Variants in PSMA8 observed in about 807,000 individuals in gnomAD.
PSMA8 encodes the protein proteasome subunit alpha-type 8.
Under a neutral mutation model 32.4 loss-of-function variants are expected in PSMA8, and 18 were observed. The ratio of observed to expected loss-of-function variants is 0.56; its 90% CI spans 0.38 to 0.82. The LOEUF is 0.82. PSMA8 is among the 40% of genes least tolerant of loss of function. The pLI is 0.00. For missense variants in PSMA8, 298 were observed against 300.7 expected, an observed-to-expected ratio of 0.99 and a Z score of 0.07; for synonymous variants, 104 against 98.1, an observed-to-expected ratio of 1.06 and a Z score of -0.36.
intron 4 of PSMA8, among the ~76,000 whole-genome samples, chr18:26,167,209 A>G (rs1037303283): frequency 1.3e-5 from 2 of 152,224 alleles, no homozygotes; most frequent in African/African-American, 4.8e-5. Flanking sequence ...TGAGTGGAAT[A>G]GCCACACTTT....
At chr18:26,173,843 A>T (rs1187205943) in intron 4 of PSMA8, among the ~76,000 whole-genome samples, 1 of 152,106 alleles carries the variant, frequency 6.6e-6, no homozygotes, top group Non-Finnish European at 1.5e-5. Context: ...AGTGTGAGCC[A>T]TCACGCCCGG....
At chr18:26,152,310 TTTTTTGTTTTTG>T (rs925466532) in intron 3 of PSMA8, among the ~76,000 whole-genome samples, 7 of 152,102 alleles carry the variant, frequency 4.6e-5, no homozygotes, top group African/African-American at 1.4e-4. Context: ...TTTTGTTTTG[TTTTTTGTTTTTG>T]TTTTTGTTTT....
At chr18:26,159,032 A>T (rs997086683) in intron 4 of PSMA8, among the ~76,000 whole-genome samples, 2 of 152,182 alleles carry the variant, frequency 1.3e-5, no homozygotes, top group African/African-American at 4.8e-5. Flanking sequence ...TACATGCCAG[A>T]GAAACCTAGC....
At chr18:26,191,240 A>G (rs1052058592) in intron 6 of PSMA8, among the ~76,000 whole-genome samples, 1 of 152,222 alleles carries the variant, frequency 6.6e-6, no homozygotes, top group African/African-American at 2.4e-5. Flanking sequence ...AAAGTTGATC[A>G]TTCATTTATC....
intron 4 of PSMA8, among the ~76,000 whole-genome samples, chr18:26,173,161 A>T (rs1017543322): frequency 6.6e-6 from 1 of 152,122 alleles, no homozygotes; most frequent in African/African-American, 2.4e-5. Flanking sequence ...CAGTGGTCTA[A>T]CCTTATCTGG....
chr18:26,145,668 A>C (rs957420971), intron 2 of PSMA8, among the ~76,000 whole-genome samples: 20 of 152,226 alleles, frequency 1.3e-4, no homozygotes, highest in African/African-American at 4.6e-4. Context: ...ATTCCCTTGC[A>C]GTTCATGCAA....
intron 6 of PSMA8, among the ~76,000 whole-genome samples, chr18:26,187,189 A>G (rs1013346937): frequency 9.9e-5 from 15 of 152,172 alleles, no homozygotes; most frequent in African/African-American, 3.4e-4. Flanking sequence ...TACTAAAAAT[A>G]CAAAAAATTA....
At chr18:26,152,641 C>T (rs2055056063) in intron 3 of PSMA8, among the ~76,000 whole-genome samples, 1 of 152,002 alleles carries the variant, frequency 6.6e-6, no homozygotes, top group African/African-American at 2.4e-5. Context: ...ATTCTTTTAC[C>T]TGCAACATTG....
intron 4 of PSMA8, among the ~76,000 whole-genome samples, chr18:26,172,400 A>C (rs1324478991): frequency 1.3e-5 from 2 of 152,260 alleles, no homozygotes; most frequent in Non-Finnish European, 2.9e-5. Context: ...ATAGATTTAC[A>C]TAAATAAATG....
chr18:26,185,541 T>C (rs150705217), intron 6 of PSMA8, among the ~76,000 whole-genome samples: 1 of 150,742 alleles, frequency 6.6e-6, no homozygotes, highest in Non-Finnish European at 1.5e-5. Flanking sequence ...GGAATGTAAG[T>C]CCTTCCCTTC....
Position 26,162,386 on chromosome 18 carries a change from G to C in PSMA8, c.477+4142G>C, listed in dbSNP as rs547044077. ...CTATGAGTTCATTTTTTTTTTTTAG[G>C]TTCCACATATAAGTGAGATCATAAA... On this transcript the variant is annotated intron_variant, in intron 4 of 6. Transcript: ENST00000415576. Among the ~76,000 whole-genome samples the C allele has an allele frequency of 1.3e-5, 2 of 149,376 alleles. 1 individual carries two copies. Among genetic ancestry groups the C allele is most frequent in the South Asian group, 4.3e-4 (2 of 4,686 alleles).
chr18:26,150,909 T>C (rs1044463276), intron 2 of PSMA8, among the ~76,000 whole-genome samples: 5 of 152,236 alleles, frequency 3.3e-5, no homozygotes, highest in African/African-American at 1.2e-4. Context: ...TGATCATATT[T>C]CAAATTGAGT....
chr18:26,164,450 C>T (rs1458712311), intron 4 of PSMA8, among the ~76,000 whole-genome samples: 1 of 152,236 alleles, frequency 6.6e-6, no homozygotes, highest in Admixed American at 6.5e-5. Context: ...TCAAACTTAG[C>T]ATCTCCTATA....
chr18:26,138,180 G>T (rs2054927743), intron 1 of PSMA8, among the ~76,000 whole-genome samples: 1 of 152,178 alleles, frequency 6.6e-6, no homozygotes, highest in Admixed American at 6.5e-5. Context: ...TTGCTCTTCT[G>T]TCATTCTATT....
chr18:26,134,853 C>T (rs914526996), intron 1 of PSMA8, among the ~76,000 whole-genome samples: 1 of 152,048 alleles, frequency 6.6e-6, no homozygotes, highest in Non-Finnish European at 1.5e-5. Context: ...ACTCGGGAGG[C>T]TGAGGCGGGA....
intron 2 of PSMA8, among the ~76,000 whole-genome samples, chr18:26,146,196 G>GT (rs1156982084): frequency 0.017 from 2,417 of 138,900 alleles, 66 homozygotes; most frequent in African/African-American, 0.053. Context: ...TTCTGATTGG[G>GT]TTTTTTTTTT....
intron 6 of PSMA8, among the ~76,000 whole-genome samples, chr18:26,186,031 G>A (rs1331100024): frequency 1.3e-5 from 2 of 149,620 alleles, no homozygotes; most frequent in African/African-American, 4.9e-5. Context: ...ACGAGGTCAG[G>A]AGTTCAAGAT....
In PSMA8 at chr18:26,178,689, T is replaced by C. The variant is rs544074981; in HGVS notation, c.478-141T>C. On this transcript the variant is annotated intron_variant, in intron 4 of 6. Coordinates refer to ENST00000415576, the MANE Select transcript of PSMA8 (RefSeq NM_001025096.2). ...CCAAATGAGCTACTGAAATGTTTGC[T>C]ATGTTTTCAAATCTGTAATTTTCAT... 7 of 701,346 alleles carry C rather than the reference T, an allele frequency of 1.0e-5. No individual in the cohort carries two copies. The African/African-American group carries it at 1.1e-4, about 11-fold the overall frequency. 43.4% of individuals were successfully genotyped at this position (701,346 alleles called of 1,614,324 possible).
chr18:26,173,621 A>G (rs929196614), intron 4 of PSMA8, among the ~76,000 whole-genome samples: 1 of 150,474 alleles, frequency 6.6e-6, no homozygotes, highest in African/African-American at 2.5e-5. Context: ...CAATGGCACG[A>G]TCTGGGCTCA....
Sources: allele counts gnomAD v4.1 joint callset (sites outside exome capture counted in the v4.1 genomes callset), GRCh38; gene constraint gnomAD v4.1.1; transcripts MANE v1.5; gene names NCBI Gene and HGNC (gene_info 2026-07-23, HGNC 2026-07-21).